The following FBL variants were observed in gnomAD, a reference collection of about 807,000 sequenced individuals.
FBL encodes the protein fibrillarin rRNA 2'-O-methyltransferase, also known as rRNA 2'-O-methyltransferase fibrillarin.
Under a neutral mutation model 42.2 loss-of-function variants are expected in FBL, and 10 were observed. That is an observed-to-expected ratio of 0.24 (90% CI 0.15 to 0.40). The LOEUF is 0.40. FBL is among the 10% of genes least tolerant of loss of function. The probability of loss-of-function intolerance (pLI) is 1.00; values close to 1 mark genes in which losing one functional copy is unlikely to be tolerated. For synonymous variants in FBL, 165 were observed against 165.4 expected, an observed-to-expected ratio of 1.00 and a Z score of 0.02; for missense variants, 351 against 439.2, an observed-to-expected ratio of 0.80 and a Z score of 1.79.
At chr19:39,834,638 G>A (rs1968990951) in intron 8 of FBL, 30 bp downstream of exon 8, 1 of 1,614,118 alleles carries the variant, frequency 6.2e-7, no homozygotes, top group Non-Finnish European at 8.5e-7. Flanking sequence ...AGAGATGTCT[G>A]TCTTGGTGTA....
intron 1 of FBL, among the ~76,000 whole-genome samples, chr19:39,842,090 T>C (rs974467136): frequency 8.2e-6 from 1 of 121,730 alleles, no homozygotes; most frequent in African/African-American, 3.1e-5. Context: ...ATAAGCTTGC[T>C]TTTTTTTTTT....
At chr19:39,843,232 T>G (rs112191626) in intron 1 of FBL, among the ~76,000 whole-genome samples, 264 of 152,334 alleles carry the variant, frequency 1.7e-3, no homozygotes, top group African/African-American at 6.1e-3. Flanking sequence ...GCACAAAGTA[T>G]GGGCTCAATA....
chr19:39,837,903 T>A, intron 5 of FBL, 60 bp from the exon 6 acceptor site: 1 of 1,452,216 alleles, frequency 6.9e-7, no homozygotes, highest in Non-Finnish European at 9.5e-7. Context: ...GAGTGCCTAC[T>A]TTAGGCCCAT....
At position 39,836,587 on chromosome 19, in the gene FBL, C is replaced by T. The variant is rs753976529; in HGVS notation, c.764G>A (p.Arg255His). ...GGAAATCACAAAGTGTCCTCCATTACGCAGGAAGGTGTGGGCATTCAGGGC... is the reference window on the plus strand; with the variant it reads ...GGAAATCACAAAGTGTCCTCCATTATGCAGGAAGGTGTGGGCATTCAGGGC... ...IVALNAHTFL[R>H]NGGHFVISIK... The change falls in exon 7 of 9, where the codon CGT becomes CAT. Residue 255 changes from arginine to histidine, a missense_variant. By Grantham distance (29) the Arg-to-His change is conservative (BLOSUM62 0). Transcript: ENST00000221801. The T allele has an allele frequency of 9.3e-6, 15 of 1,613,782 alleles. No homozygotes were observed. The highest frequency in any genetic ancestry group is 2.2e-5 in the East Asian group (1 of 44,886).
intron 4 of FBL, 47 bp from the exon 5 acceptor site, chr19:39,839,252 G>T: frequency 1.3e-6 from 2 of 1,500,574 alleles, no homozygotes; most frequent in Non-Finnish European, 1.8e-6. Flanking sequence ...TCTTCTGCAG[G>T]ACCTCACTGC....
intron 1 of FBL, 97 bp downstream of exon 1, chr19:39,846,194 G>A: frequency 7.1e-7 from 1 of 1,417,590 alleles, no homozygotes; most frequent in Non-Finnish European, 1.0e-6. Flanking sequence ...CAGAACCCCT[G>A]CCCCCAGGCC....
intron 1 of FBL, among the ~76,000 whole-genome samples, chr19:39,843,166 G>C (rs1969192364): frequency 6.6e-6 from 1 of 152,190 alleles, no homozygotes; most frequent in African/African-American, 2.4e-5. Context: ...CAAATGGGCA[G>C]GGATTTTTAA....
At position 39,834,468 on chromosome 19, in the gene FBL, T is replaced by G. The variant is rs890200587; in HGVS notation, c.*70A>C. ...GCAGCAGACATGGGAGACGGATGAG[T>G]CTTTTAATAGAAAAACACACGTGCA... is the stretch of plus-strand genomic sequence containing the variant. On this transcript the variant is annotated 3_prime_UTR_variant, in exon 9 of 9. Transcript: ENST00000221801. 1.3e-6 allele frequency: 2 copies of G among 1,566,194 alleles called. No homozygotes were observed. Among genetic ancestry groups the G allele is most frequent in the African/African-American group, 2.7e-5 (2 of 73,876 alleles).
At position 39,839,147 on chromosome 19, in the gene FBL, G is replaced by A. The variant is rs746421819; in HGVS notation, c.437C>T (p.Ala146Val). The A allele has an allele frequency of 1.2e-6, 2 of 1,614,046 alleles. No homozygotes were observed. The highest frequency in any genetic ancestry group is 1.7e-6 in the Non-Finnish European group (2 of 1,179,992). Residue 146 changes from alanine to valine, a missense_variant, in exon 5 of 9, where the codon GCA becomes GTA. Transcript: ENST00000221801. The part of the protein sequence containing the change: ...AWNPFRSKLA[A>V]AILGGVDQIH... ...CTGGTCCACACCACCCAGGATTGCT[G>A]CTGCTAGCTTGGAGCGGAAGGGGTT... is the stretch of plus-strand genomic sequence containing the variant.
chr19:39,840,421 C>A lies in FBL; in HGVS notation c.276G>T (p.Arg92=). ...SGKNVMVEPH[R]HEGVFICRGK... Reference sequence around the variant, plus strand: ...CCTGCCTTCCTCACTCACCCTCATGCCGATGCGGCTCCACCATCACATTCT... The same window carrying A: ...CCTGCCTTCCTCACTCACCCTCATGACGATGCGGCTCCACCATCACATTCT... The change falls in exon 3 of 9, where the codon CGG becomes CGT. Residue 92 remains arginine, a synonymous_variant. Coordinates refer to ENST00000221801, the MANE Select transcript of FBL (RefSeq NM_001436.4). This position sits in a 1 kb window ranked among gnomAD's most constrained non-coding sequence, Gnocchi z 4.5. The A allele has an allele frequency of 6.2e-7, 1 of 1,614,140 alleles. No individual in the cohort carries two copies. The highest frequency in any genetic ancestry group is 1.1e-5 in the South Asian group (1 of 91,082).
At chr19:39,842,952 G>A (rs967544305) in intron 1 of FBL, among the ~76,000 whole-genome samples, 4 of 152,096 alleles carry the variant, frequency 2.6e-5, no homozygotes, top group Non-Finnish European at 4.4e-5. Flanking sequence ...ACCACGTGCT[G>A]TTCCCACTGC....
chr19:39,846,240 G>A (rs1969259589), intron 1 of FBL, 51 bp downstream of exon 1: 1 of 1,611,602 alleles, frequency 6.2e-7, no homozygotes, highest in Non-Finnish European at 8.5e-7. Context: ...CTGGCACCCG[G>A]ATTCCCGCCC....
Position 39,834,784 on chromosome 19 carries a change from G to A in FBL, c.825C>T (p.Ala275=), listed in dbSNP as rs763106447. The A allele has an allele frequency of 6.2e-7, 1 of 1,614,158 alleles. No homozygotes were observed. Among genetic ancestry groups the A allele is most frequent in the Non-Finnish European group, 8.5e-7 (1 of 1,179,998 alleles). ...KANCIDSTAS[A]EAVFASEVKK... is the part of the protein sequence containing the mutation. ...TCACTTCGGAGGCAAACACGGCCTC[G>A]GCTGAGGCTGTGGAGTCAATGCAGT... Residue 275 remains alanine, a synonymous_variant, in exon 8 of 9, where the codon GCC becomes GCT. Transcript: ENST00000221801.
intron 1 of FBL, among the ~76,000 whole-genome samples, chr19:39,844,035 C>A (rs187236480): frequency 6.6e-6 from 1 of 151,926 alleles, no homozygotes; most frequent in Non-Finnish European, 1.5e-5. Flanking sequence ...TTAATAGCTA[C>A]TCCTAATTTG....
In FBL at chr19:39,834,562, C is replaced by T. The variant is rs1038288511; in HGVS notation, c.942G>A (p.Arg314=). 9 of 1,614,000 alleles carry T rather than the reference C, an allele frequency of 5.6e-6. No homozygotes were observed. In the African/African-American group the frequency reaches 1.1e-4, roughly 19 times the overall value. Residue 314 remains arginine (R), a splice_region_variant and synonymous_variant, in exon 9 of 9, where the codon AGG becomes AGA. Transcript: ENST00000221801. ...TTCAGTTCTTCACCTTGGGGGGTGG[C>T]CTGTGAGAGGAAGATAGGTGATGAA... ...RDHAVVVGVY[R]PPPKVKN is the part of the protein sequence containing the mutation.
chr19:39,837,404 C>T (rs1476597474), intron 6 of FBL, among the ~76,000 whole-genome samples: 1 of 152,018 alleles, frequency 6.6e-6, no homozygotes, highest in East Asian at 1.9e-4. Flanking sequence ...ATTAGGACCC[C>T]CAAAAGGAGG....
intron 1 of FBL, among the ~76,000 whole-genome samples, chr19:39,841,226 A>G (rs919591028): frequency 6.6e-6 from 1 of 151,556 alleles, no homozygotes; most frequent in Non-Finnish European, 1.5e-5. Context: ...GTGTGCCACT[A>G]CTCCCATAGT....
At chr19:39,838,955 G>T in intron 5 of FBL, 80 bp downstream of exon 5, 1 of 1,305,760 alleles carries the variant, frequency 7.7e-7, no homozygotes, top group Non-Finnish European at 1.1e-6. Context: ...GCGCAGGCAA[G>T]CAGTCAAACC....
Position 39,840,769 on chromosome 19 carries a change from C to T in FBL, c.29G>A (p.Gly10Asp), listed in dbSNP as rs1165817287. 3 of 1,563,366 alleles carry T rather than the reference C, an allele frequency of 1.9e-6. No individual in the cohort carries two copies. Among genetic ancestry groups the T allele is most frequent in the Non-Finnish European group, 1.7e-6 (2 of 1,153,572 alleles). ...AAAGCCCCCTCGGCCGCCAAAGCCA[C>T]CCCCACGGGGACTGAATCCTGTGGG... Reference protein sequence around the residue: MKPGFSPRGGGFGGRGGFGD... With the variant: MKPGFSPRGDGFGGRGGFGD... The change falls in exon 2 of 9, where the codon GGT (glycine) becomes GAT (aspartate). Residue 10 changes from glycine to aspartate, a missense_variant. Gly to Asp is a moderately conservative substitution (Grantham distance 94, BLOSUM62 -1). Coordinates refer to ENST00000221801, the MANE Select transcript of FBL (RefSeq NM_001436.4). The surrounding 1 kb of genome is among the most constrained non-coding windows in gnomAD (Gnocchi z 4.5).
Sources: allele counts gnomAD v4.1 joint callset (sites outside exome capture counted in the v4.1 genomes callset), GRCh38; gene constraint gnomAD v4.1.1; non-coding constraint Gnocchi (gnomAD v3.1); transcripts MANE v1.5; gene names NCBI Gene and HGNC (gene_info 2026-07-23, HGNC 2026-07-21).